Variants in DCAF6 observed in about 807,000 individuals in gnomAD.
The protein encoded by DCAF6 is DDB1 and CUL4 associated factor 6.
DCAF6 carries 54 observed loss-of-function variants against 125.1 expected under a neutral mutation model. The ratio of observed to expected loss-of-function variants is 0.43; its 90% confidence interval spans 0.35 to 0.54. DCAF6 has a LOEUF of 0.54. Ranked by LOEUF, DCAF6 falls within the 20% of genes least tolerant of loss-of-function variation. DCAF6 has a pLI of 0.01. For synonymous variants in DCAF6, 371 were observed against 390.4 expected (o/e 0.95, Z 0.58); for missense variants, 934 against 1,161.7 (o/e 0.80, Z 2.85).
At chr1:167,906,662 A>C in the DCAF6 span, among the ~76,000 whole-genome samples, 1 of 150,540 alleles carries the variant, frequency 6.6e-6, no homozygotes, top group Non-Finnish European at 1.5e-5. Context: ...GGTGGCATGC[A>C]CCTGTAGTCC....
Position 168,066,406 on chromosome 1 carries a change from A to G in DCAF6, c.2626A>G (p.Ile876Val). 1.2e-6 allele frequency: 2 copies of G among 1,609,208 alleles called. No individual in the cohort carries two copies. Among genetic ancestry groups the G allele is most frequent in the Non-Finnish European group, 8.5e-7 (1 of 1,177,438 alleles). ...ILASSGIDYD[I>V]KIWSPLEESR... Reference sequence around the variant, plus strand: ...AGCCTCATCTGGCATAGATTATGACATAAAGATCTGGTCACCATTAGAAGA... The same window carrying G: ...AGCCTCATCTGGCATAGATTATGACGTAAAGATCTGGTCACCATTAGAAGA... The change falls in exon 20 of 22, where the codon ATA becomes GTA. Residue 876 changes from isoleucine (I) to valine (V), a missense_variant. By Grantham distance (29) the Ile-to-Val change is conservative. Around this residue, in one of 5 missense-constraint regions of DCAF6, gnomAD observed 27 missense variants for 85.1 expected, o/e 0.32. Transcript: ENST00000367840.
chr1:167,865,029 A>G, the DCAF6 span, among the ~76,000 whole-genome samples: 1 of 152,244 alleles, frequency 6.6e-6, no homozygotes, highest in Non-Finnish European at 1.5e-5. Flanking sequence ...AAGTTGAGAC[A>G]TGTCAAAGAA....
the DCAF6 span, among the ~76,000 whole-genome samples, chr1:167,882,484 C>CAAAAAA: frequency 3.8e-4 from 27 of 71,122 alleles, no homozygotes; most frequent in Middle Eastern, 7.7e-3. Flanking sequence ...GATTCCGTCT[C>CAAAAAA]AAAAAAAAAA....
At position 167,936,745 on chromosome 1, in the gene DCAF6, C is replaced by A; in HGVS notation, c.-167C>A. On this transcript the variant is annotated 5_prime_UTR_variant, in exon 1 of 22. Transcript: ENST00000367840. ...GAGCTCCGGCCCGGGTGCGGCCGGGCTTCAGGGGCCCAGGCGCCGCTGCTG... is the reference window on the plus strand; with the variant it reads ...GAGCTCCGGCCCGGGTGCGGCCGGGATTCAGGGGCCCAGGCGCCGCTGCTG... 1 of 618,736 alleles carries A rather than the reference C, an allele frequency of 1.6e-6. No individual in the cohort carries two copies. The highest frequency in any genetic ancestry group is 2.9e-6 in the Non-Finnish European group (1 of 349,264). 38.3% of individuals were successfully genotyped at this position (618,736 alleles called of 1,614,324 possible).
the DCAF6 span, chr1:167,920,089 C>A: frequency 6.3e-7 from 1 of 1,594,890 alleles, no homozygotes; most frequent in Non-Finnish European, 8.6e-7. Context: ...ACCAAATAAA[C>A]CCTGTTGAAA....
chr1:168,069,540 G>C (rs1692776334), intron 21 of DCAF6, among the ~76,000 whole-genome samples: 1 of 152,312 alleles, frequency 6.6e-6, no homozygotes, highest in African/African-American at 2.4e-5. Context: ...TCCTCAGAGA[G>C]AGTGGGGAAT....
At chr1:168,070,949 T>G (rs1013374260) in intron 21 of DCAF6, among the ~76,000 whole-genome samples, 1 of 152,220 alleles carries the variant, frequency 6.6e-6, no homozygotes, top group African/African-American at 2.4e-5. Flanking sequence ...TACCTCTGGA[T>G]CTTAGCACAG....
upstream of DCAF6, among the ~76,000 whole-genome samples, chr1:167,932,808 CAAAAAAA>C (rs965449372): frequency 1.8e-5 from 1 of 54,964 alleles, no homozygotes; most frequent in African/African-American, 5.6e-5. Flanking sequence ...GACTCTGTCT[CAAAAAAA>C]AAAAAAAAAA....
At chr1:167,866,361 A>G in the DCAF6 span, among the ~76,000 whole-genome samples, 1 of 152,228 alleles carries the variant, frequency 6.6e-6, no homozygotes, top group African/African-American at 2.4e-5. Context: ...TCAAATAGCT[A>G]CAAAATTTAA....
Position 168,065,580 on chromosome 1 carries a change from T to TA in DCAF6, c.2440-8dup. On this transcript the variant is annotated splice_polypyrimidine_tract_variant and intron_variant, in intron 18 of 21. Coordinates refer to ENST00000367840, the MANE Select transcript of DCAF6 (RefSeq NM_001198956.2). ...ATTTGAATTTTTAAATAATTTTTTT[T>TA]AACCCTTAGATAAAAGAAGCCAATT... 6.5e-7 allele frequency: 1 copy of TA among 1,531,628 alleles called. No individual in the cohort carries two copies. The highest frequency in any genetic ancestry group is 8.8e-7 in the Non-Finnish European group (1 of 1,135,192). The allele number at this position is 1,531,628 out of a possible 1,614,324, so 94.9% of individuals were successfully genotyped here.
At position 168,045,237 on chromosome 1, in the gene DCAF6, T is replaced by C. The variant is rs1054763200; in HGVS notation, c.2258+10T>C. ...CAGGACCTGGTGATAGGTTGGTAAA[T>C]TTTTAATTAACATGAACTGTAAAAA... On this transcript the variant is annotated intron_variant, in intron 16 of 21. Coordinates refer to ENST00000367840, the MANE Select transcript of DCAF6 (RefSeq NM_001198956.2). The C allele has an allele frequency of 6.3e-6, 10 of 1,578,752 alleles. No individual in the cohort carries two copies. The highest frequency in any genetic ancestry group is 8.6e-6 in the Non-Finnish European group (10 of 1,165,140).
At chr1:167,956,570 A>G in intron 2 of DCAF6, among the ~76,000 whole-genome samples, 1 of 152,056 alleles carries the variant, frequency 6.6e-6, no homozygotes, top group East Asian at 1.9e-4. Context: ...ATTTCTGCTA[A>G]TATATTTATT....
intron 13 of DCAF6, among the ~76,000 whole-genome samples, chr1:168,042,307 T>C (rs992425908): frequency 6.6e-6 from 1 of 152,120 alleles, no homozygotes; most frequent in Non-Finnish European, 1.5e-5. Context: ...CAGATTGTTA[T>C]ACATGTCCTC....
At chr1:167,923,671 T>C in the DCAF6 span, among the ~76,000 whole-genome samples, 1 of 151,812 alleles carries the variant, frequency 6.6e-6, no homozygotes, top group Non-Finnish European at 1.5e-5. Context: ...ATGGTTCAGA[T>C]AGTAAGTTTT....
intron 21 of DCAF6, among the ~76,000 whole-genome samples, chr1:168,069,373 A>G (rs543561246): frequency 1.5e-4 from 23 of 152,282 alleles, no homozygotes; most frequent in African/African-American, 5.3e-4. Context: ...TTCTTCTGTG[A>G]CTACTCCATC....
intron 11 of DCAF6, among the ~76,000 whole-genome samples, chr1:168,017,894 G>A (rs1449114262): frequency 1.3e-5 from 2 of 152,020 alleles, no homozygotes; most frequent in Non-Finnish European, 2.9e-5. Context: ...TCAATTAGTG[G>A]TGATAGTGCC....
the DCAF6 span, among the ~76,000 whole-genome samples, chr1:167,885,286 T>C: frequency 2.0e-5 from 3 of 152,196 alleles, no homozygotes; most frequent in Non-Finnish European, 4.4e-5. Flanking sequence ...TTGATTTCTT[T>C]TCTTTTGAGT....
chr1:167,974,401 G>A (rs1677821679), intron 3 of DCAF6, among the ~76,000 whole-genome samples: 1 of 152,078 alleles, frequency 6.6e-6, no homozygotes, highest in African/African-American at 2.4e-5. Context: ...TGTGTCTTAT[G>A]TGTACCATTT....
chr1:167,958,329 C>T (rs1383315385), intron 2 of DCAF6, among the ~76,000 whole-genome samples: 1 of 149,436 alleles, frequency 6.7e-6, no homozygotes. Context: ...AGTAGGGGTC[C>T]AAGGTGTTTT....
Sources: allele counts gnomAD v4.1 joint callset (sites outside exome capture counted in the v4.1 genomes callset), GRCh38; gene constraint gnomAD v4.1.1; regional missense constraint gnomAD v4.1.1; transcripts MANE v1.5; gene names NCBI Gene and HGNC (gene_info 2026-07-23, HGNC 2026-07-21).